Variants in HIVEP3 observed in about 807,000 individuals in gnomAD.
HIVEP3 encodes the protein HIVEP zinc finger 3, also known as transcription factor HIVEP3.
In HIVEP3, 49 loss-of-function variants were observed where a neutral mutation model predicts 152.8. That is an observed-to-expected ratio of 0.32 (90% CI 0.26 to 0.41). The LOEUF (loss-of-function observed/expected upper bound fraction) is 0.41. HIVEP3 is among the 10% of genes least tolerant of loss of function. The pLI, the probability that HIVEP3 is intolerant of heterozygous loss-of-function variation, is 1.00. For synonymous variants in HIVEP3, 1,269 were observed against 1,289.0 expected, an observed-to-expected ratio of 0.98 and a Z score of 0.33; for missense variants, 2,790 against 3,103.3, an observed-to-expected ratio of 0.90 and a Z score of 2.40.
intron 1 of HIVEP3, among the ~76,000 whole-genome samples, chr1:41,748,981 T>C (rs893930): frequency 0.86 from 131,146 of 152,122 alleles, 59,153 homozygotes; most frequent in Non-Finnish European, 1. Flanking sequence ...CTGAGACAGG[T>C]GCCACAAATG....
At position 41,617,949 on chromosome 1, in the gene HIVEP3, T is replaced by C. The variant is rs553710407; in HGVS notation, c.-522+10800A>G. Among the ~76,000 whole-genome samples, 137 of 152,282 alleles carry C rather than the reference T, an allele frequency of 9.0e-4. 4 individuals carry two copies. Among genetic ancestry groups the C allele is most frequent in the Middle Eastern group, 3.4e-3 (1 of 294 alleles). On this transcript the variant is annotated intron_variant, in intron 3 of 8. Coordinates refer to ENST00000372583, the MANE Select transcript of HIVEP3 (RefSeq NM_024503.5). Reference sequence around the variant, plus strand: ...ATGACCGCACCAGGCTCACATGTCATTGGGTGTGTGGCAGCATTTCCCTAA... The same window carrying C: ...ATGACCGCACCAGGCTCACATGTCACTGGGTGTGTGGCAGCATTTCCCTAA...
intron 1 of HIVEP3, among the ~76,000 whole-genome samples, chr1:41,859,240 G>T (rs1331801453): frequency 6.6e-6 from 1 of 152,086 alleles, no homozygotes; most frequent in African/African-American, 2.4e-5. Context: ...CTACCCTGCC[G>T]AACCAGAGTA....
chr1:41,985,629 C>T (rs1242059075), intron 1 of HIVEP3, among the ~76,000 whole-genome samples: 1 of 152,164 alleles, frequency 6.6e-6, no homozygotes, highest in Non-Finnish European at 1.5e-5. Context: ...TTTCAACATA[C>T]GAATTTGCAG....
At chr1:41,711,955 C>A (rs577682186) in intron 1 of HIVEP3, among the ~76,000 whole-genome samples, 1 of 152,234 alleles carries the variant, frequency 6.6e-6, no homozygotes, top group African/African-American at 2.4e-5. Context: ...AACAGGGCAG[C>A]AAACACACCA....
rs1229014187 is a variant in HIVEP3, at chr1:41,511,944, TGG to T, written c.6406-680_6406-679del. Among the ~76,000 whole-genome samples the T allele has an allele frequency of 6.6e-6, 1 of 151,996 alleles. No individual in the cohort carries two copies. Among genetic ancestry groups the T allele is most frequent in the Admixed American group, 6.5e-5 (1 of 15,276 alleles). On this transcript the variant is annotated intron_variant, in intron 8 of 8. Transcript: ENST00000372583. This position sits in a 1 kb window ranked among gnomAD's most constrained non-coding sequence, Gnocchi z 4.9. ...ATGGTGACAGTGGTGGTGCTGGCCA[TGG>T]GGATAGTGCTGATGGTTGACAAGGA...
In HIVEP3 at chr1:41,513,288, C is replaced by T. The variant is rs144265546; in HGVS notation, c.5933G>A (p.Arg1978His). 72 of 1,612,820 alleles carry T rather than the reference C, an allele frequency of 4.5e-5. No individual in the cohort carries two copies. The East Asian group carries it at 5.1e-4, about 11-fold the overall frequency. The change falls in exon 8 of 9, where the codon CGT becomes CAT. Residue 1978 changes from arginine to histidine, a missense_variant. Arg to His is a conservative substitution (Grantham distance 29). Transcript: ENST00000372583. Reference sequence around the variant, plus strand: ...CGAGTGTTTGCGGGCTAGTGGTGGACGGCTGCCTGCTTCTTTGCTTGGGGA... The same window carrying T: ...CGAGTGTTTGCGGGCTAGTGGTGGATGGCTGCCTGCTTCTTTGCTTGGGGA... ...PWSPSKEAGS[R>H]PPLARKHSLT...
At chr1:41,767,716 G>A (rs907930455) in intron 1 of HIVEP3, among the ~76,000 whole-genome samples, 7 of 152,212 alleles carry the variant, frequency 4.6e-5, no homozygotes, top group African/African-American at 1.7e-4. Context: ...TCATGCAGTT[G>A]ACTTATCTGC....
chr1:41,749,404 T>TTGTGTGTG (rs3064239), intron 1 of HIVEP3, among the ~76,000 whole-genome samples: 33,288 of 140,634 alleles, frequency 0.24, 4,430 homozygotes, highest in East Asian at 0.42. Flanking sequence ...TTAGAAAAAA[T>TTGTGTGTG]TGTGTGTGTG....
chr1:41,764,712 C>G (rs1342098638), intron 1 of HIVEP3, among the ~76,000 whole-genome samples: 1 of 152,210 alleles, frequency 6.6e-6, no homozygotes, highest in African/African-American at 2.4e-5. Flanking sequence ...ATGCCAGGCA[C>G]TGGGAATGTA....
At chr1:41,909,230 A>G (rs1304481707) in intron 1 of HIVEP3, among the ~76,000 whole-genome samples, 3 of 152,152 alleles carry the variant, frequency 2.0e-5, no homozygotes, top group Non-Finnish European at 2.9e-5. Context: ...ATTTGCAAGC[A>G]AACAAAATCA....
chr1:41,622,672 G>T (rs534310531), intron 3 of HIVEP3, among the ~76,000 whole-genome samples: 1 of 152,204 alleles, frequency 6.6e-6, no homozygotes, highest in Admixed American at 6.5e-5. Flanking sequence ...TGCCATAGAC[G>T]CTGGAAGCTA....
chr1:41,516,205 C>T (rs947688363), intron 7 of HIVEP3, among the ~76,000 whole-genome samples: 1 of 152,260 alleles, frequency 6.6e-6, no homozygotes, highest in African/African-American at 2.4e-5. Context: ...TGCTGGGATC[C>T]AGGCCAACGC....
chr1:41,679,516 G>T (rs1646007148), intron 2 of HIVEP3, among the ~76,000 whole-genome samples: 1 of 152,214 alleles, frequency 6.6e-6, no homozygotes, highest in Non-Finnish European at 1.5e-5. Context: ...CAGTGGTCCA[G>T]AGACCAGTTG....
intron 1 of HIVEP3, among the ~76,000 whole-genome samples, chr1:41,868,672 C>T (rs1221574987): frequency 6.6e-6 from 1 of 152,186 alleles, no homozygotes; most frequent in Non-Finnish European, 1.5e-5. Context: ...ACCACAACCA[C>T]CCTCCCATGA....
intron 1 of HIVEP3, among the ~76,000 whole-genome samples, chr1:41,992,053 G>A (rs1186056964): frequency 6.7e-6 from 1 of 149,032 alleles, no homozygotes; most frequent in African/African-American, 2.5e-5. Context: ...TACTGAATGG[G>A]CAAAACCTGG....
chr1:41,801,981 A>G (rs1349935428), intron 1 of HIVEP3, among the ~76,000 whole-genome samples: 1 of 152,160 alleles, frequency 6.6e-6, no homozygotes, highest in Non-Finnish European at 1.5e-5. Flanking sequence ...TCCTACTGGG[A>G]CACCACTATC....
At chr1:41,987,279 T>C (rs781668861) in intron 1 of HIVEP3, among the ~76,000 whole-genome samples, 2 of 152,008 alleles carry the variant, frequency 1.3e-5, no homozygotes, top group African/African-American at 2.4e-5. Flanking sequence ...TTCATAGAAA[T>C]AGAAAAATCC....
At chr1:41,808,377 C>T (rs984076030) in intron 1 of HIVEP3, among the ~76,000 whole-genome samples, 1 of 152,262 alleles carries the variant, frequency 6.6e-6, no homozygotes, top group Non-Finnish European at 1.5e-5. Context: ...GTGTCCTCTC[C>T]TCCTTCTATT....
intron 2 of HIVEP3, among the ~76,000 whole-genome samples, chr1:41,660,312 GTCAT>G (rs1645694193): frequency 1.3e-5 from 2 of 152,200 alleles, no homozygotes; most frequent in Non-Finnish European, 1.5e-5. Context: ...TTGGTAACTG[GTCAT>G]CACTTAATTC....
Sources: allele counts gnomAD v4.1 joint callset (sites outside exome capture counted in the v4.1 genomes callset), GRCh38; gene constraint gnomAD v4.1.1; non-coding constraint Gnocchi (gnomAD v3.1); transcripts MANE v1.5; gene names NCBI Gene and HGNC (gene_info 2026-07-23, HGNC 2026-07-21).